SLC25A33: variants seen among roughly 807,000 people sequenced by gnomAD.
The protein encoded by SLC25A33 is bone marrow stromal cell mitochondrial carrier protein.
SLC25A33 carries 15 observed loss-of-function variants against 35.5 expected under a neutral mutation model. The ratio of observed to expected loss-of-function variants is 0.42; its 90% CI spans 0.28 to 0.65. The LOEUF is 0.65. SLC25A33 is among the 30% of genes least tolerant of loss of function. The probability of loss-of-function intolerance (pLI) is 0.20; values close to 1 mark genes in which losing one functional copy is unlikely to be tolerated. For missense variants in SLC25A33, 257 were observed against 398.5 expected (o/e 0.64, Z 3.02); for synonymous variants, 136 against 148.7 (o/e 0.91, Z 0.62).
At chr1:9,553,876 C>G in intron 2 of SLC25A33, 71 bp downstream of exon 2, 1 of 1,461,542 alleles carries the variant, frequency 6.8e-7, no homozygotes, top group Non-Finnish European at 9.4e-7. Flanking sequence ...GAATGTTCAT[C>G]AAGCTTATCA....
chr1:9,579,122 C>T (rs1031679041), intron 5 of SLC25A33, among the ~76,000 whole-genome samples: 1 of 152,216 alleles, frequency 6.6e-6, no homozygotes, highest in African/African-American at 2.4e-5. Context: ...AAACTCTCCT[C>T]AAACCATGTT....
At chr1:9,557,403 A>T (rs1308790253) in intron 2 of SLC25A33, among the ~76,000 whole-genome samples, 2 of 152,174 alleles carry the variant, frequency 1.3e-5, no homozygotes, top group Non-Finnish European at 2.9e-5. Context: ...ATATATTTTT[A>T]AAATTCTGGG....
rs545477928 is a variant in SLC25A33, at chr1:9,584,554, C to G, written c.*2053C>G. The G allele has an allele frequency of 6.6e-6, 1 of 152,280 alleles. No individual in the cohort carries two copies. The highest frequency in any genetic ancestry group is 1.5e-5 in the Non-Finnish European group (1 of 68,104). The allele number at this position is 152,280 out of a possible 1,614,324, so 9.4% of individuals were successfully genotyped here. ...AGCTGGGACTACAGGCATGCGCCAC[C>G]ACACCTGGCTAATTTTGTATTTTTA... On this transcript the variant is annotated 3_prime_UTR_variant, in exon 7 of 7. Transcript: ENST00000302692.
chr1:9,573,260 T>C, intron 4 of SLC25A33, 86 bp from the exon 5 acceptor site: 2 of 964,656 alleles, frequency 2.1e-6, no homozygotes. Flanking sequence ...AAATCCCTAT[T>C]TCAAAGTTTA....
At chr1:9,543,135 A>T (rs889382802) in intron 1 of SLC25A33, among the ~76,000 whole-genome samples, 2 of 138,520 alleles carry the variant, frequency 1.4e-5, no homozygotes, top group South Asian at 2.1e-4. Context: ...AAGTATTTTT[A>T]TTTATTTATT....
chr1:9,542,635 T>G (rs1327996187), intron 1 of SLC25A33, among the ~76,000 whole-genome samples: 1 of 152,144 alleles, frequency 6.6e-6, no homozygotes, highest in Non-Finnish European at 1.5e-5. Flanking sequence ...CTGCTGTTGT[T>G]AAGCTGGCGT....
At chr1:9,572,506 T>C (rs1171430621) in intron 4 of SLC25A33, among the ~76,000 whole-genome samples, 1 of 151,610 alleles carries the variant, frequency 6.6e-6, no homozygotes, top group Non-Finnish European at 1.5e-5. Flanking sequence ...TAGTCCCAGC[T>C]GCTCGGGAGG....
At chr1:9,565,018 A>G (rs892150896) in intron 2 of SLC25A33, among the ~76,000 whole-genome samples, 13 of 152,140 alleles carry the variant, frequency 8.5e-5, no homozygotes, top group African/African-American at 3.1e-4. Flanking sequence ...TCACAAAAAA[A>G]GATGTGACGC....
At chr1:9,570,904 G>C (rs1643581119) in intron 4 of SLC25A33, among the ~76,000 whole-genome samples, 1 of 151,852 alleles carries the variant, frequency 6.6e-6, no homozygotes, top group Non-Finnish European at 1.5e-5. Context: ...GTAGAGACGA[G>C]GTTTCACCAC....
At position 9,553,711 on chromosome 1, in the gene SLC25A33, A is replaced by G. The variant is rs777289369; in HGVS notation, c.142A>G (p.Thr48Ala). The G allele has an allele frequency of 1.4e-5, 23 of 1,614,192 alleles. No individual in the cohort carries two copies. The highest frequency in any genetic ancestry group is 1.9e-5 in the Non-Finnish European group (23 of 1,180,042). Residue 48 changes from threonine to alanine, a missense_variant, in exon 2 of 7, where the codon ACA (threonine) becomes GCA (alanine). Transcript: ENST00000302692. ...GCAGTCTTCAAGATTAGCTCTCCGG[A>G]CAGTCTACTATCCTCAGGTTCATCT... ...RLQSSRLALR[T>A]VYYPQVHLGT...
intron 5 of SLC25A33, among the ~76,000 whole-genome samples, chr1:9,577,608 G>A (rs560764109): frequency 2.0e-5 from 3 of 152,194 alleles, no homozygotes; most frequent in Non-Finnish European, 2.9e-5. Flanking sequence ...AATAAGGCTG[G>A]AGGAGCAGGG....
At chr1:9,559,580 CAT>C (rs1643391753) in intron 2 of SLC25A33, among the ~76,000 whole-genome samples, 1 of 151,276 alleles carries the variant, frequency 6.6e-6, no homozygotes, top group South Asian at 2.1e-4. Flanking sequence ...ACATAATTCT[CAT>C]GTGAAGAAAG....
At chr1:9,557,087 C>A (rs540397197) in intron 2 of SLC25A33, among the ~76,000 whole-genome samples, 1 of 152,300 alleles carries the variant, frequency 6.6e-6, no homozygotes, top group South Asian at 2.1e-4. Flanking sequence ...GAATGTGCTA[C>A]CACGCCCGGC....
At chr1:9,574,301 A>T (rs1293919071) in intron 5 of SLC25A33, among the ~76,000 whole-genome samples, 1 of 152,038 alleles carries the variant, frequency 6.6e-6, no homozygotes, top group Admixed American at 6.6e-5. Context: ...CATGTTGCCC[A>T]GGCTGGTCTC....
Position 9,564,765 on chromosome 1 carries a change from T to TATACAC in SLC25A33, c.237-2518_237-2517insTACACA, listed in dbSNP as rs59741987. Among the ~76,000 whole-genome samples the TATACAC allele has an allele frequency of 8.1e-4, 93 of 114,804 alleles. 1 individual carries two copies. Among genetic ancestry groups the TATACAC allele is most frequent in the African/African-American group, 2.5e-3 (82 of 32,250 alleles). The allele number at this position is 114,804 out of a possible 152,430, so 75.3% of individuals were successfully genotyped here. A position where few individuals can be genotyped will look rare whatever the true frequency, so the allele number is the denominator to read the frequency against. On this transcript the variant is annotated intron_variant, in intron 2 of 6. Transcript: ENST00000302692. ...ATATATATATATATATATATATATA[T>TATACAC]ACACAAAAATTAGCTGAGCGTGGTG... is the stretch of plus-strand genomic sequence containing the variant.
intron 4 of SLC25A33, 108 bp downstream of exon 4, chr1:9,570,466 C>A: frequency 1.1e-6 from 1 of 948,862 alleles, no homozygotes; most frequent in Non-Finnish European, 1.6e-6. Context: ...TTCCTTTGCA[C>A]CTAAAATTGT....
At chr1:9,570,712 T>TG (rs1643578411) in intron 4 of SLC25A33, among the ~76,000 whole-genome samples, 1 of 144,402 alleles carries the variant, frequency 6.9e-6, no homozygotes, top group Non-Finnish European at 1.5e-5. Context: ...GTTTTTTTTT[T>TG]TTTTTTTTTT....
chr1:9,567,163 G>C, intron 2 of SLC25A33, 121 bp from the exon 3 acceptor site: 2 of 795,408 alleles, frequency 2.5e-6, no homozygotes, highest in Non-Finnish European at 4.1e-6. Context: ...GATAAGAGTC[G>C]AGCTTGACAT....
At position 9,583,503 on chromosome 1, in the gene SLC25A33, G is replaced by A. The variant is rs1643770287; in HGVS notation, c.*1002G>A. On this transcript the variant is annotated 3_prime_UTR_variant, in exon 7 of 7. Coordinates refer to ENST00000302692, the MANE Select transcript of SLC25A33 (RefSeq NM_032315.3). ...GATATAGTTCCGGAAGTTAAGACCA[G>A]TTGCCTTGTTAAGTGTGTTGACAGC... 6.6e-6 allele frequency: 1 copy of A among 152,260 alleles called. No individual in the cohort carries two copies. Among genetic ancestry groups the A allele is most frequent in the East Asian group, 1.9e-4 (1 of 5,188 alleles). 9.4% of individuals were successfully genotyped at this position (152,260 alleles called of 1,614,324 possible).
Sources: allele counts gnomAD v4.1 joint callset (sites outside exome capture counted in the v4.1 genomes callset), GRCh38; gene constraint gnomAD v4.1.1; transcripts MANE v1.5; gene names NCBI Gene and HGNC (gene_info 2026-07-23, HGNC 2026-07-21).